Variants in SLC17A1 observed in about 807,000 individuals in gnomAD.
SLC17A1 encodes the protein sodium-dependent phosphate transport protein 1.
Under a neutral mutation model 53.5 loss-of-function variants are expected in SLC17A1, and 51 were observed. That is an observed-to-expected ratio of 0.95 (90% confidence interval 0.76 to 1.20). The LOEUF (loss-of-function observed/expected upper bound fraction) is 1.20. Ranked by LOEUF, SLC17A1 falls within the 50% of genes most tolerant of loss-of-function variation. The probability of loss-of-function intolerance (pLI) is 0.00; values close to 1 mark genes in which losing one functional copy is unlikely to be tolerated. For missense variants in SLC17A1, 538 were observed against 568.2 expected (o/e 0.95, Z 0.54); for synonymous variants, 179 against 198.8 (o/e 0.90, Z 0.84).
the SLC17A1 span, among the ~76,000 whole-genome samples, chr6:25,735,566 CT>C: frequency 4.2e-3 from 616 of 145,138 alleles, no homozygotes; most frequent in Middle Eastern, 7.3e-3. Context: ...AGTTTTTTCA[CT>C]TTTTTTTTTT....
intron 10 of SLC17A1, among the ~76,000 whole-genome samples, chr6:25,803,139 G>C (rs1186532859): frequency 6.6e-6 from 1 of 151,174 alleles, no homozygotes; most frequent in Non-Finnish European, 1.5e-5. Context: ...GTAGAGACGG[G>C]GTTTCACTGT....
chr6:25,822,863 G>T (rs998583041), intron 3 of SLC17A1, among the ~76,000 whole-genome samples: 1 of 152,060 alleles, frequency 6.6e-6, no homozygotes, highest in African/African-American at 2.4e-5. Flanking sequence ...ACAATAAACT[G>T]TATCTATATA....
chr6:25,726,112 T>A, the SLC17A1 span: 284 of 1,505,906 alleles, frequency 1.9e-4, 1 homozygote, highest in Middle Eastern at 1.6e-3. Flanking sequence ...AGAAGTCTTT[T>A]TACCAATGAC....
chr6:25,743,926 A>C, the SLC17A1 span, among the ~76,000 whole-genome samples: 1 of 152,220 alleles, frequency 6.6e-6, no homozygotes, highest in Non-Finnish European at 1.5e-5. Context: ...TGGAGGGAGA[A>C]GAGAGTGAGA....
At chr6:25,779,870 G>C (rs1763216052), downstream of SLC17A1, 1 of 152,156 alleles carries the variant, frequency 6.6e-6, no homozygotes, top group African/African-American at 2.4e-5. Context: ...TCTTTAACAT[G>C]TTAGTGAACA....
downstream of SLC17A1, chr6:25,778,938 T>C (rs186111273): frequency 6.7e-6 from 9 of 1,352,348 alleles, no homozygotes; most frequent in Admixed American, 1.6e-4. Flanking sequence ...GGGAAGCCCA[T>C]GGAAGCCAGA....
At position 25,817,735 on chromosome 6, in the gene SLC17A1, G is replaced by A. The variant is rs1445268374; in HGVS notation, c.616+1333C>T. ...CTCACCCCTGCTCCCCTGCTCCGCC[G>A]TAATTTCTGTATATTTGGGTTAGTT... On this transcript the variant is annotated intron_variant, in intron 6 of 12. Coordinates refer to ENST00000244527, the MANE Select transcript of SLC17A1 (RefSeq NM_005074.5). Among the ~76,000 whole-genome samples the A allele has an allele frequency of 3.9e-5, 6 of 152,290 alleles. No individual in the cohort carries two copies. The South Asian group carries it at 8.3e-4, about 21-fold the overall frequency.
rs73383280 is a variant in SLC17A1, at chr6:25,831,590, A to G, written c.-51+404T>C. Among the ~76,000 whole-genome samples, 1,352 of 152,242 alleles carry G rather than the reference A, an allele frequency of 8.9e-3. 17 individuals carry two copies. The highest frequency in any genetic ancestry group is 0.029 in the African/African-American group (1,223 of 41,550). On this transcript the variant is annotated intron_variant, in intron 1 of 12. Transcript: ENST00000244527. The stretch of plus-strand genomic sequence containing the variant: ...ACTCCAGACACATAGCAAACCAAAC[A>G]TATAAATACGTTACAATACTGCATC...
chr6:25,830,496 T>C, intron 2 of SLC17A1, 28 bp downstream of exon 2: 1 of 1,516,778 alleles, frequency 6.6e-7, no homozygotes, highest in Non-Finnish European at 9.2e-7. Flanking sequence ...AAAGAACACC[T>C]GTTTAATGGA....
At chr6:25,755,084 G>C in the SLC17A1 span, among the ~76,000 whole-genome samples, 1 of 137,940 alleles carries the variant, frequency 7.2e-6, no homozygotes, top group Non-Finnish European at 1.6e-5. Context: ...CACACACACA[G>C]AGGAAGAAAG....
At chr6:25,735,240 G>T in the SLC17A1 span, among the ~76,000 whole-genome samples, 1 of 152,172 alleles carries the variant, frequency 6.6e-6, no homozygotes, top group African/African-American at 2.4e-5. Flanking sequence ...TAAAGGAAAT[G>T]ACAATATTCT....
the SLC17A1 span, among the ~76,000 whole-genome samples, chr6:25,753,888 G>C: frequency 6.6e-6 from 1 of 152,164 alleles, no homozygotes. Flanking sequence ...AGTTTAGATA[G>C]GGAGGAAGTT....
intron 3 of SLC17A1, among the ~76,000 whole-genome samples, chr6:25,820,349 C>G (rs532117569): frequency 1.3e-5 from 2 of 152,164 alleles, no homozygotes; most frequent in African/African-American, 4.8e-5. Flanking sequence ...TAAGCTCATT[C>G]GCAAAATCAC....
rs1195995537 is a variant in SLC17A1 at position 25,815,623 on chromosome 6, A to ACGTG, written c.617-2414_617-2411dup. On this transcript the variant is annotated intron_variant, in intron 6 of 12. Transcript: ENST00000244527. ...CGCTATAGGAAAAATTCTCCTAACT[A>ACGTG]CGTGCTTCAAGACACAGCTCTCCTC... 3.3e-5 allele frequency among the ~76,000 whole-genome samples: 5 copies of ACGTG among 152,022 alleles called. No individual in the cohort carries two copies. The East Asian group carries it at 9.7e-4, about 29-fold the overall frequency.
At position 25,826,511 on chromosome 6, in the gene SLC17A1, G is replaced by T; in HGVS notation, c.157C>A (p.Pro53Thr). 6.2e-7 allele frequency: 1 copy of T among 1,612,342 alleles called. No homozygotes were observed. ...GTGGAGGTGTTGGGCAAACCATGTG[G>T]ATCTGTGCTATTCACCATGACTACC... ...TMVVMVNSTD[P>T]HGLPNTSTKK... Residue 53 changes from proline (P) to threonine (T), a missense_variant, in exon 3 of 13, where the codon CCA becomes ACA. Coordinates refer to ENST00000244527, the MANE Select transcript of SLC17A1 (RefSeq NM_005074.5).
intron 3 of SLC17A1, among the ~76,000 whole-genome samples, chr6:25,823,639 T>C (rs1764640711): frequency 6.6e-6 from 1 of 152,088 alleles, no homozygotes; most frequent in African/African-American, 2.4e-5. Flanking sequence ...TTCACATCTT[T>C]TTTTTCCATT....
At chr6:25,775,431 TTTTC>T in the SLC17A1 span, among the ~76,000 whole-genome samples, 1 of 152,140 alleles carries the variant, frequency 6.6e-6, no homozygotes, top group Non-Finnish European at 1.5e-5. Flanking sequence ...TCTATGTCTT[TTTTC>T]TTTTTCTTTC....
At chr6:25,781,489 G>A (rs184974380), downstream of SLC17A1, among the ~76,000 whole-genome samples, 1 of 149,660 alleles carries the variant, frequency 6.7e-6, no homozygotes, top group East Asian at 1.9e-4. Context: ...TGTCTTTGTC[G>A]CTTTTGTGTT....
At chr6:25,770,583 T>A in the SLC17A1 span, 1 of 982,228 alleles carries the variant, frequency 1.0e-6, no homozygotes, top group Non-Finnish European at 1.6e-6. Context: ...CATAGTCCTT[T>A]CCTTAAAGCA....
Sources: gnomAD v4.1 joint callset for allele counts (sites outside exome capture counted in the v4.1 genomes callset) on GRCh38, gnomAD v4.1.1 for gene constraint, MANE v1.5 for transcripts, NCBI Gene and HGNC (gene_info 2026-07-23, HGNC 2026-07-21) for gene names.